The following UBALD1 variants were observed in gnomAD, a reference collection of about 807,000 sequenced individuals.
UBALD1 encodes UBA like domain containing 1.
A neutral mutation model predicts 16.1 loss-of-function variants in UBALD1; 5 were observed. That is an observed-to-expected ratio of 0.31 (90% CI 0.16 to 0.66). UBALD1 has a LOEUF of 0.66. Ranked by LOEUF, UBALD1 falls within the 30% of genes least tolerant of loss-of-function variation. The pLI, the probability that UBALD1 is intolerant of heterozygous loss-of-function variation, is 0.77. For synonymous variants in UBALD1, 146 were observed against 105.3 expected (o/e 1.39, Z -2.37); for missense variants, 220 against 252.8 (o/e 0.87, Z 0.88).
intron 1 of UBALD1, among the ~76,000 whole-genome samples, chr16:4,611,790 TG>T (rs35690065): frequency 6.6e-6 from 1 of 151,732 alleles, no homozygotes; most frequent in African/African-American, 2.4e-5. Context: ...CCTGCAGGGG[TG>T]GGGAGGCCTG....
In UBALD1 at chr16:4,609,690, G is replaced by T. The variant is rs746436602; in HGVS notation, c.477C>A (p.Ala159=). ...PSPASDWPPL[A]PQQATSEPRA... ...TGGGTTCTGAGGTGGCCTGTTGGGGGGCCAGGGGTGGCCAGTCTGAAGCCG... is the reference window on the plus strand; with the variant it reads ...TGGGTTCTGAGGTGGCCTGTTGGGGTGCCAGGGGTGGCCAGTCTGAAGCCG... Residue 159 remains alanine (A), a synonymous_variant, in exon 3 of 3, where the codon GCC becomes GCA. Transcript: ENST00000283474. 3 of 1,477,514 alleles carry T rather than the reference G, an allele frequency of 2.0e-6. No individual in the cohort carries two copies. The highest frequency in any genetic ancestry group is 2.8e-5 in the South Asian group (2 of 70,316). The allele number at this position is 1,477,514 out of a possible 1,614,324, so 91.5% of individuals were successfully genotyped here. A position where few individuals can be genotyped will look rare whatever the true frequency, so the allele number is the denominator to read the frequency against.
At chr16:4,614,340 G>A (rs888015883) in intron 1 of UBALD1, 30 of 366,220 alleles carry the variant, frequency 8.2e-5, no homozygotes, top group Non-Finnish European at 1.0e-4. Flanking sequence ...TCCTCCTTCC[G>A]GCCGCCCGCC....
chr16:4,611,122 C>T (rs1038360651), intron 1 of UBALD1: 4 of 167,926 alleles, frequency 2.4e-5, no homozygotes, highest in Non-Finnish European at 5.1e-5. Context: ...TCAAGGGGGC[C>T]ACTGTTTGGG....
In UBALD1 at chr16:4,614,877, T is replaced by A. The variant is rs963018049; in HGVS notation, c.-80A>T. The A allele has an allele frequency of 7.5e-7, 1 of 1,338,198 alleles. No homozygotes were observed. The highest frequency in any genetic ancestry group is 9.7e-7 in the Non-Finnish European group (1 of 1,027,820). The allele number at this position is 1,338,198 out of a possible 1,614,324, so 82.9% of individuals were successfully genotyped here. A position where few individuals can be genotyped will look rare whatever the true frequency, so the allele number is the denominator to read the frequency against. On this transcript the variant is annotated 5_prime_UTR_variant, in exon 1 of 3. Transcript: ENST00000283474. ...ACGCGTCCACCATTAGCGAGCCGGC[T>A]CCGGCTAATACAAATATTTACTGTG...
chr16:4,612,481 C>T (rs756938398), intron 1 of UBALD1, among the ~76,000 whole-genome samples: 12 of 152,100 alleles, frequency 7.9e-5, no homozygotes, highest in Non-Finnish European at 1.8e-4. Flanking sequence ...TAAGCACCTT[C>T]CCAGACCCCA....
intron 2 of UBALD1, 123 bp from the exon 3 acceptor site, chr16:4,610,106 C>A: frequency 1.2e-6 from 1 of 849,554 alleles, no homozygotes; most frequent in Non-Finnish European, 1.9e-6. Context: ...TCCCCAGATC[C>A]CCAAGCCTGT....
chr16:4,614,861 C>A lies in UBALD1; in HGVS notation c.-64G>T. On this transcript the variant is annotated 5_prime_UTR_variant, in exon 1 of 3. Transcript: ENST00000283474. ...CCCGCGCCTCCGCCTCACGCGTCCA[C>A]CATTAGCGAGCCGGCTCCGGCTAAT... The A allele has an allele frequency of 7.1e-7, 1 of 1,402,626 alleles. No individual in the cohort carries two copies. The highest frequency in any genetic ancestry group is 9.3e-7 in the Non-Finnish European group (1 of 1,071,116). The allele number at this position is 1,402,626 out of a possible 1,614,324, so 86.9% of individuals were successfully genotyped here.
rs79845637 is a variant in UBALD1 at position 4,612,989 on chromosome 16, G to A, written c.120+1689C>T. ...CAAAGCTGCATTTTCAATTAACTGTGCCGCTGAGGGATGTGGCCTGGGTGC... is the reference window on the plus strand; with the variant it reads ...CAAAGCTGCATTTTCAATTAACTGTACCGCTGAGGGATGTGGCCTGGGTGC... On this transcript the variant is annotated intron_variant, in intron 1 of 2. Coordinates refer to ENST00000283474, the MANE Select transcript of UBALD1 (RefSeq NM_145253.3). Among the ~76,000 whole-genome samples, 376 of 152,180 alleles carry A rather than the reference G, an allele frequency of 2.5e-3. 4 individuals carry two copies. The highest frequency in any genetic ancestry group is 8.8e-3 in the African/African-American group (367 of 41,546).
chr16:4,614,448 G>A, intron 1 of UBALD1: 2 of 564,144 alleles, frequency 3.5e-6, no homozygotes, highest in South Asian at 4.0e-5. Context: ...GGGACTCGCG[G>A]CCCCGCGGGG....
chr16:4,610,146 C>A (rs1434249242), intron 2 of UBALD1, 163 bp from the exon 3 acceptor site: 2 of 749,756 alleles, frequency 2.7e-6, no homozygotes, highest in East Asian at 5.3e-5. Context: ...AGAGGAGAAG[C>A]CTTGAGATGA....
At chr16:4,613,297 C>T (rs950209081) in intron 1 of UBALD1, among the ~76,000 whole-genome samples, 10 of 152,146 alleles carry the variant, frequency 6.6e-5, no homozygotes, top group African/African-American at 1.4e-4. Flanking sequence ...ACTCATGCCC[C>T]CCAACCCCAC....
At chr16:4,612,978 C>T (rs1043212310) in intron 1 of UBALD1, among the ~76,000 whole-genome samples, 1 of 152,088 alleles carries the variant, frequency 6.6e-6, no homozygotes, top group African/African-American at 2.4e-5. Flanking sequence ...GCTGCATTTT[C>T]AATTAACTGT....
intron 1 of UBALD1, chr16:4,614,453 G>T: frequency 1.7e-6 from 1 of 593,218 alleles, no homozygotes; most frequent in Non-Finnish European, 2.6e-6. Flanking sequence ...TCGCGGCCCC[G>T]CGGGGGCGGC....
intron 1 of UBALD1, chr16:4,614,383 C>G: frequency 5.3e-6 from 2 of 374,992 alleles, no homozygotes; most frequent in Admixed American, 4.8e-5. Context: ...GGCCGCCCGG[C>G]CCTCGGCCGT....
chr16:4,610,005 G>C (rs779623529), intron 2 of UBALD1, 22 bp from the exon 3 acceptor site: 50 of 1,510,622 alleles, frequency 3.3e-5, no homozygotes, highest in East Asian at 1.4e-4. Context: ...AGAGAGGAGA[G>C]ATGGGGTGAG....
intron 1 of UBALD1, among the ~76,000 whole-genome samples, chr16:4,613,240 G>A (rs548678158): frequency 3.0e-4 from 46 of 152,184 alleles, no homozygotes; most frequent in African/African-American, 1.1e-3. Flanking sequence ...CCTCCGGGTG[G>A]GGCTGCCTTG....
At chr16:4,610,681 C>T (rs906606516) in intron 1 of UBALD1, 126 bp from the exon 2 acceptor site, 22 of 1,076,196 alleles carry the variant, frequency 2.0e-5, no homozygotes, top group East Asian at 1.8e-4. Context: ...GGGTGAGTCG[C>T]GGTGCTGAGG....
At chr16:4,610,846 T>G in intron 1 of UBALD1, 1 of 452,794 alleles carries the variant, frequency 2.2e-6, no homozygotes, top group Non-Finnish European at 3.9e-6. Flanking sequence ...CTGCACCAGC[T>G]GGCACCAGCA....
In UBALD1 at chr16:4,609,690, G is replaced by A. The variant is rs746436602; in HGVS notation, c.477C>T (p.Ala159=). The A allele has an allele frequency of 1.4e-6, 2 of 1,477,514 alleles. No homozygotes were observed. Among genetic ancestry groups the A allele is most frequent in the Non-Finnish European group, 1.8e-6 (2 of 1,116,246 alleles). 91.5% of individuals were successfully genotyped at this position (1,477,514 alleles called of 1,614,324 possible). A position where few individuals can be genotyped will look rare whatever the true frequency, so the allele number is the denominator to read the frequency against. ...TGGGTTCTGAGGTGGCCTGTTGGGGGGCCAGGGGTGGCCAGTCTGAAGCCG... is the reference window on the plus strand; with the variant it reads ...TGGGTTCTGAGGTGGCCTGTTGGGGAGCCAGGGGTGGCCAGTCTGAAGCCG... ...PSPASDWPPL[A]PQQATSEPRA... The change falls in exon 3 of 3, where the codon GCC becomes GCT. Residue 159 remains alanine (A), a synonymous_variant. Coordinates refer to ENST00000283474, the MANE Select transcript of UBALD1 (RefSeq NM_145253.3).
Sources: allele counts gnomAD v4.1 joint callset (sites outside exome capture counted in the v4.1 genomes callset), GRCh38; gene constraint gnomAD v4.1.1; transcripts MANE v1.5; gene names NCBI Gene and HGNC (gene_info 2026-07-23, HGNC 2026-07-21).